Variants in NDUFAF2 observed in about 807,000 individuals in gnomAD.
NDUFAF2 encodes the protein NADH:ubiquinone oxidoreductase complex assembly factor 2.
A neutral mutation model predicts 22.8 loss-of-function variants in NDUFAF2; 13 were observed. The ratio of observed to expected loss-of-function variants is 0.57; its 90% CI spans 0.37 to 0.91. NDUFAF2 has a LOEUF of 0.91. Ranked by LOEUF, NDUFAF2 falls within the 40% of genes least tolerant of loss-of-function variation. The pLI, the probability that NDUFAF2 is intolerant of heterozygous loss-of-function variation, is 0.01. For missense variants in NDUFAF2, 162 were observed against 195.2 expected (o/e 0.83, Z 1.01); for synonymous variants, 53 against 64.2 (o/e 0.83, Z 0.84).
At chr5:61,086,544 T>C (rs527770640) in intron 2 of NDUFAF2, among the ~76,000 whole-genome samples, 2 of 152,290 alleles carry the variant, frequency 1.3e-5, no homozygotes, top group South Asian at 4.1e-4. Context: ...TTCTTTTCAA[T>C]AGCTTGTGTT....
chr5:61,042,466 A>G (rs1751895828), intron 1 of NDUFAF2, among the ~76,000 whole-genome samples: 3 of 152,198 alleles, frequency 2.0e-5, no homozygotes, highest in South Asian at 4.1e-4. Context: ...ATATATAGAG[A>G]GATATACATT....
intron 2 of NDUFAF2, among the ~76,000 whole-genome samples, chr5:61,079,565 G>A (rs920291939): frequency 1.3e-5 from 2 of 152,208 alleles, no homozygotes; most frequent in African/African-American, 4.8e-5. Context: ...TGGACTTCCA[G>A]AACAATTTGG....
Position 61,121,661 on chromosome 5 carries a change from G to A in NDUFAF2, c.258+22629G>A, listed in dbSNP as rs1177185989. On this transcript the variant is annotated intron_variant, in intron 3 of 3. Transcript: ENST00000296597. Reference sequence around the variant, plus strand: ...ATTTTGTGTCAAAGTATTTTTTTAAGTGAGATTAATATTTAAATCAGTATA... The same window carrying A: ...ATTTTGTGTCAAAGTATTTTTTTAAATGAGATTAATATTTAAATCAGTATA... Among the ~76,000 whole-genome samples, 3 of 151,974 alleles carry A rather than the reference G, an allele frequency of 2.0e-5. No individual in the cohort carries two copies. In the East Asian group the frequency reaches 5.8e-4, roughly 29 times the overall value.
chr5:61,142,144 G>T (rs1333492478), intron 3 of NDUFAF2, among the ~76,000 whole-genome samples: 2 of 152,134 alleles, frequency 1.3e-5, no homozygotes, highest in African/African-American at 2.4e-5. Flanking sequence ...AATAGGACTA[G>T]CATTAAGTGA....
At chr5:61,128,952 A>G (rs1161158345) in intron 3 of NDUFAF2, among the ~76,000 whole-genome samples, 8 of 152,230 alleles carry the variant, frequency 5.3e-5, no homozygotes, top group Non-Finnish European at 2.9e-5. Context: ...CAAATTTACA[A>G]GAAAAAAACA....
intron 2 of NDUFAF2, among the ~76,000 whole-genome samples, chr5:61,085,491 G>C (rs1448590938): frequency 6.6e-6 from 1 of 152,102 alleles, no homozygotes; most frequent in East Asian, 1.9e-4. Flanking sequence ...TTGGGAACAA[G>C]ACAAGGATAT....
At chr5:61,075,667 A>G (rs1252414526) in intron 2 of NDUFAF2, among the ~76,000 whole-genome samples, 1 of 152,168 alleles carries the variant, frequency 6.6e-6, no homozygotes, top group African/African-American at 2.4e-5. Context: ...TGATCTAGTA[A>G]TTTGGCATAA....
chr5:61,099,843 A>G (rs1752685574), intron 3 of NDUFAF2, among the ~76,000 whole-genome samples: 1 of 152,088 alleles, frequency 6.6e-6, no homozygotes. Context: ...CACTACTACA[A>G]GCCCTGATGA....
chr5:60,986,391 G>C (rs1466920128), intron 1 of NDUFAF2, among the ~76,000 whole-genome samples: 1 of 152,110 alleles, frequency 6.6e-6, no homozygotes, highest in Non-Finnish European at 1.5e-5. Context: ...ATGAAATTAA[G>C]GCAGAAAACA....
At chr5:61,065,751 A>G (rs1373898058) in intron 1 of NDUFAF2, among the ~76,000 whole-genome samples, 5 of 152,110 alleles carry the variant, frequency 3.3e-5, no homozygotes, top group Non-Finnish European at 5.9e-5. Flanking sequence ...ATCCATGGGG[A>G]AAAACTGAAA....
chr5:60,947,559 A>C (rs1750478243), intron 1 of NDUFAF2, among the ~76,000 whole-genome samples: 1 of 152,154 alleles, frequency 6.6e-6, no homozygotes, highest in Non-Finnish European at 1.5e-5. Flanking sequence ...TGAGATCAGG[A>C]GTTCCAGACC....
chr5:60,981,515 G>T (rs752262176), intron 1 of NDUFAF2, among the ~76,000 whole-genome samples: 2 of 152,114 alleles, frequency 1.3e-5, no homozygotes, highest in Admixed American at 1.3e-4. Context: ...GTAATAATAT[G>T]TACACAGGAA....
At chr5:61,040,292 G>GCGCGCGCGCA (rs1751860589) in intron 1 of NDUFAF2, among the ~76,000 whole-genome samples, 2 of 93,706 alleles carry the variant, frequency 2.1e-5, no homozygotes, top group African/African-American at 1.1e-4. Context: ...ACACACGCGC[G>GCGCGCGCGCA]CGCGCGCGCG....
At chr5:60,987,459 C>A (rs1480808762) in intron 1 of NDUFAF2, among the ~76,000 whole-genome samples, 3 of 152,084 alleles carry the variant, frequency 2.0e-5, no homozygotes, top group Non-Finnish European at 4.4e-5. Context: ...CCAAAATTGG[C>A]AGAGATACAA....
intron 1 of NDUFAF2, among the ~76,000 whole-genome samples, chr5:61,033,315 C>G (rs1388082580): frequency 6.6e-6 from 1 of 152,094 alleles, no homozygotes; most frequent in Non-Finnish European, 1.5e-5. Context: ...TTAATTATTA[C>G]ACTATGTGAA....
At chr5:61,102,201 A>G (rs1446784312) in intron 3 of NDUFAF2, among the ~76,000 whole-genome samples, 2 of 152,172 alleles carry the variant, frequency 1.3e-5, no homozygotes, top group African/African-American at 4.8e-5. Flanking sequence ...TGGAAATGTA[A>G]AAGACCTAGA....
rs116146927 is a variant in NDUFAF2 at position 61,005,091 on chromosome 5, C to T, written c.127+59709C>T. On this transcript the variant is annotated intron_variant, in intron 1 of 3. Transcript: ENST00000296597. ...TCCTAATGCTATCCCTCCCTGCTCC[C>T]CTCACCCCATGACAGACCCCGGTGT... 8.9e-4 allele frequency among the ~76,000 whole-genome samples: 135 copies of T among 152,162 alleles called. 1 individual carries two copies. The highest frequency in any genetic ancestry group is 3.2e-3 in the African/African-American group (131 of 41,504).
At chr5:61,129,207 A>C (rs917322095) in intron 3 of NDUFAF2, among the ~76,000 whole-genome samples, 1 of 152,204 alleles carries the variant, frequency 6.6e-6, no homozygotes, top group African/African-American at 2.4e-5. Context: ...ACTGTAAACT[A>C]GTTCAACCAT....
intron 1 of NDUFAF2, among the ~76,000 whole-genome samples, chr5:61,052,831 T>C (rs1449678936): frequency 1.3e-5 from 2 of 152,250 alleles, no homozygotes; most frequent in Non-Finnish European, 2.9e-5. Context: ...GCGAATATGA[T>C]AGTGTTCGTT....
Sources: gnomAD v4.1 joint callset for allele counts (sites outside exome capture counted in the v4.1 genomes callset) on GRCh38, gnomAD v4.1.1 for gene constraint, MANE v1.5 for transcripts, NCBI Gene and HGNC (gene_info 2026-07-23, HGNC 2026-07-21) for gene names.